The following PRKG2 variants were observed in gnomAD, a reference collection of about 807,000 sequenced individuals.
PRKG2 encodes cGMP-dependent protein kinase 2.
A neutral mutation model predicts 97.2 loss-of-function variants in PRKG2; 33 were observed. The ratio of observed to expected loss-of-function variants is 0.34; its 90% confidence interval spans 0.26 to 0.45. The LOEUF (loss-of-function observed/expected upper bound fraction) is 0.45, where lower values mean the gene tolerates loss of function less well. PRKG2 is among the 20% of genes least tolerant of loss of function. PRKG2 has a pLI of 1.00. For synonymous variants in PRKG2, 330 were observed against 321.8 expected, an observed-to-expected ratio of 1.03 and a Z score of -0.27; for missense variants, 638 against 900.0, an observed-to-expected ratio of 0.71 and a Z score of 3.73.
At chr4:81,208,805 A>G (rs1219356205) in intron 1 of PRKG2, among the ~76,000 whole-genome samples, 3 of 152,164 alleles carry the variant, frequency 2.0e-5, no homozygotes, top group Non-Finnish European at 4.4e-5. Flanking sequence ...TTTGGAAACA[A>G]ACAGCCTGGA....
chr4:81,183,275 T>A (rs1303236686), intron 2 of PRKG2, among the ~76,000 whole-genome samples: 1 of 152,066 alleles, frequency 6.6e-6, no homozygotes, highest in Non-Finnish European at 1.5e-5. Flanking sequence ...GATCTCTACA[T>A]TTCCAGCTGA....
chr4:81,182,006 C>G (rs1309995767), intron 2 of PRKG2, among the ~76,000 whole-genome samples: 1 of 151,444 alleles, frequency 6.6e-6, no homozygotes, highest in East Asian at 1.9e-4. Context: ...AAGTCTAAAC[C>G]CAGATGACCT....
At chr4:81,211,409 AG>A (rs1753965446) in intron 1 of PRKG2, among the ~76,000 whole-genome samples, 1 of 152,242 alleles carries the variant, frequency 6.6e-6, no homozygotes, top group Middle Eastern at 3.2e-3. Context: ...GAAAGCTGAT[AG>A]CACAGTCAAG....
At position 81,137,551 on chromosome 4, in the gene PRKG2, G is replaced by A. The variant is rs1746834535; in HGVS notation, c.1545-69C>T. On this transcript the variant is annotated intron_variant, in intron 12 of 18. Coordinates refer to ENST00000264399, the MANE Select transcript of PRKG2 (RefSeq NM_006259.3). ...TTAAAAACCTTTTTAAAGTTGCTTAGAACTATCATCATAACATTAGGAACA... is the reference window on the plus strand; with the variant it reads ...TTAAAAACCTTTTTAAAGTTGCTTAAAACTATCATCATAACATTAGGAACA... 4 of 1,220,132 alleles carry A rather than the reference G, an allele frequency of 3.3e-6. No homozygotes were observed. The Admixed American group carries it at 7.0e-5, about 21-fold the overall frequency. The allele number at this position is 1,220,132 out of a possible 1,614,324, so 75.6% of individuals were successfully genotyped here.
At chr4:81,193,565 C>T (rs1013078464) in intron 2 of PRKG2, among the ~76,000 whole-genome samples, 1 of 152,118 alleles carries the variant, frequency 6.6e-6, no homozygotes, top group Non-Finnish European at 1.5e-5. Flanking sequence ...GCTGGCCAGG[C>T]GCGATGGCTC....
At chr4:81,093,159 C>T (rs1266533562) in intron 17 of PRKG2, among the ~76,000 whole-genome samples, 2 of 151,958 alleles carry the variant, frequency 1.3e-5, no homozygotes. Context: ...CTTTCTTTCT[C>T]CCTTAACTCA....
intron 2 of PRKG2, among the ~76,000 whole-genome samples, chr4:81,178,680 G>C (rs2110092950): frequency 6.6e-6 from 1 of 150,796 alleles, no homozygotes; most frequent in African/African-American, 2.4e-5. Context: ...GAGAATCTAG[G>C]ATGCAAAACA....
intron 8 of PRKG2, among the ~76,000 whole-genome samples, chr4:81,150,063 T>C (rs1489311795): frequency 2.0e-5 from 3 of 152,104 alleles, no homozygotes; most frequent in African/African-American, 7.2e-5. Flanking sequence ...GGAAAATTTG[T>C]GCTTGTATAT....
Position 81,144,326 on chromosome 4 carries a change from A to G in PRKG2, c.1159T>C (p.Phe387Leu). The G allele has an allele frequency of 6.2e-7, 1 of 1,604,734 alleles. No individual in the cohort carries two copies. Among genetic ancestry groups the G allele is most frequent in the Non-Finnish European group, 8.5e-7 (1 of 1,171,964 alleles). ...TCAAATGTACCGACAGTTTGGTTGAATGTTCTAAATAGATAGAATAAAGTA... is the reference window on the plus strand; with the variant it reads ...TCAAATGTACCGACAGTTTGGTTGAGTGTTCTAAATAGATAGAATAAAGTA... ...VACLVIDRET[F>L]NQTVGTFEEL... Residue 387 changes from phenylalanine (F) to leucine (L), a missense_variant, in exon 10 of 19, where the codon TTC becomes CTC. Around this residue, in one of 3 missense-constraint regions of PRKG2, gnomAD observed 304 missense variants for 460.5 expected, o/e 0.66. Transcript: ENST00000264399.
chr4:81,099,249 CACA>C (rs1347335471), intron 17 of PRKG2, among the ~76,000 whole-genome samples: 1 of 152,050 alleles, frequency 6.6e-6, no homozygotes, highest in Non-Finnish European at 1.5e-5. Flanking sequence ...CTGGCAGAGA[CACA>C]ACAACAAAAA....
At chr4:81,144,877 G>A (rs1167820557) in intron 9 of PRKG2, among the ~76,000 whole-genome samples, 6 of 150,462 alleles carry the variant, frequency 4.0e-5, no homozygotes, top group Non-Finnish European at 5.9e-5. Flanking sequence ...TTGTCCTTGC[G>A]ATAGTTTGCT....
At chr4:81,134,768 T>G (rs1398879666) in intron 14 of PRKG2, among the ~76,000 whole-genome samples, 4 of 152,176 alleles carry the variant, frequency 2.6e-5, no homozygotes, top group Non-Finnish European at 5.9e-5. Flanking sequence ...TCTCTTTATA[T>G]ATACACAGTG....
rs1553919002 is a variant in PRKG2, at chr4:81,110,750, A to ACACACAAAGAG, written c.1777-140_1777-139insCTCTTTGTGTG. On this transcript the variant is annotated intron_variant, in intron 14 of 18. Coordinates refer to ENST00000264399, the MANE Select transcript of PRKG2 (RefSeq NM_006259.3). The stretch of plus-strand genomic sequence containing the variant: ...ATGCACACACACACACACACACACA[A>ACACACAAAGAG]AGAGAGAGAGAGAGAGACAGACAGA... 2.8e-5 allele frequency: 10 copies of ACACACAAAGAG among 358,980 alleles called. No homozygotes were observed. The African/African-American group carries it at 3.2e-4, about 12-fold the overall frequency. 22.2% of individuals were successfully genotyped at this position (358,980 alleles called of 1,614,324 possible). A position where few individuals can be genotyped will look rare whatever the true frequency, so the allele number is the denominator to read the frequency against.
intron 5 of PRKG2, among the ~76,000 whole-genome samples, chr4:81,168,968 C>T (rs1750226656): frequency 6.6e-6 from 1 of 151,812 alleles, no homozygotes; most frequent in Non-Finnish European, 1.5e-5. Flanking sequence ...CAGAAACTTG[C>T]AAAACTCCCA....
At chr4:81,193,013 C>T (rs899854265) in intron 2 of PRKG2, 1 of 152,838 alleles carries the variant, frequency 6.5e-6, no homozygotes, top group Non-Finnish European at 1.5e-5. Context: ...ATTAGAGGTC[C>T]GTGTTCTCAC....
chr4:81,201,461 A>G (rs1753308293), intron 2 of PRKG2, among the ~76,000 whole-genome samples: 2 of 152,204 alleles, frequency 1.3e-5, no homozygotes, highest in South Asian at 4.1e-4. Flanking sequence ...CCCTAATGCC[A>G]GTAGAGTTTC....
chr4:81,160,118 A>T (rs979742304), intron 6 of PRKG2, among the ~76,000 whole-genome samples: 27 of 152,016 alleles, frequency 1.8e-4, no homozygotes, highest in Admixed American at 5.2e-4. Flanking sequence ...ATAATAATAA[A>T]AAATAAATAA....
At chr4:81,092,000 G>C (rs1274801123) in intron 18 of PRKG2, among the ~76,000 whole-genome samples, 3 of 151,966 alleles carry the variant, frequency 2.0e-5, no homozygotes, top group African/African-American at 7.3e-5. Context: ...ATAATATTTT[G>C]GAGGTATTAT....
intron 13 of PRKG2, among the ~76,000 whole-genome samples, chr4:81,135,624 T>C (rs1186339961): frequency 6.6e-6 from 1 of 152,136 alleles, no homozygotes; most frequent in African/African-American, 2.4e-5. Flanking sequence ...CTGGAGAAAA[T>C]GCTACTATAG....
Sources: allele counts gnomAD v4.1 joint callset (sites outside exome capture counted in the v4.1 genomes callset), GRCh38; gene constraint gnomAD v4.1.1; regional missense constraint gnomAD v4.1.1; transcripts MANE v1.5; gene names NCBI Gene and HGNC (gene_info 2026-07-23, HGNC 2026-07-21).